UPF3A: variants seen among roughly 807,000 people sequenced by gnomAD.
UPF3A encodes regulator of nonsense transcripts 3A.
UPF3A carries 42 observed loss-of-function variants against 53.5 expected under a neutral mutation model. The ratio of observed to expected loss-of-function variants is 0.78; its 90% CI spans 0.61 to 1.01. The LOEUF (loss-of-function observed/expected upper bound fraction) is 1.01, where lower values mean the gene tolerates loss of function less well. UPF3A is among the 50% of genes least tolerant of loss of function. The pLI is 0.00. For synonymous variants in UPF3A, 237 were observed against 225.3 expected (o/e 1.05, Z -0.47); for missense variants, 575 against 598.0 (o/e 0.96, Z 0.40).
At chr13:114,284,003 T>C (rs1018831458) in intron 3 of UPF3A, 30 of 985,338 alleles carry the variant, frequency 3.0e-5, no homozygotes, top group Non-Finnish European at 3.5e-5. Context: ...AATGTGATGC[T>C]TGAACTGACC....
chr13:114,285,035 C>G (rs1182764841), intron 3 of UPF3A: 1 of 152,190 alleles, frequency 6.6e-6, no homozygotes, highest in Non-Finnish European at 1.5e-5. Flanking sequence ...GGAGCTTTTC[C>G]CCTGTGTTTT....
At chr13:114,294,272 G>GT (rs1376330939) in intron 7 of UPF3A, among the ~76,000 whole-genome samples, 5 of 119,072 alleles carry the variant, frequency 4.2e-5, no homozygotes, top group South Asian at 2.6e-4. Context: ...TTTGGTTTTG[G>GT]TGGGGGGGGG....
chr13:114,296,016 T>C lies in UPF3A; in HGVS notation c.847-2824T>C, dbSNP rs1355309328. Among the ~76,000 whole-genome samples, 3 of 151,830 alleles carry C rather than the reference T, an allele frequency of 2.0e-5. No individual in the cohort carries two copies. The East Asian group carries it at 5.8e-4, about 29-fold the overall frequency. On this transcript the variant is annotated intron_variant, in intron 7 of 9. Coordinates refer to ENST00000375299, the MANE Select transcript of UPF3A (RefSeq NM_023011.4). ...CTAGCCTCCGAGAGGGCAGAGGGCCTAGAGAGAGGTCACCGGTGGCCAGTG... is the reference window on the plus strand; with the variant it reads ...CTAGCCTCCGAGAGGGCAGAGGGCCCAGAGAGAGGTCACCGGTGGCCAGTG...
At chr13:114,288,926 C>T (rs1307557804) in intron 5 of UPF3A, among the ~76,000 whole-genome samples, 1 of 152,154 alleles carries the variant, frequency 6.6e-6, no homozygotes, top group Non-Finnish European at 1.5e-5. Flanking sequence ...CCTCATCTCC[C>T]TGCCCCTCCC....
chr13:114,294,973 G>A (rs186101480), intron 7 of UPF3A, among the ~76,000 whole-genome samples: 8 of 151,984 alleles, frequency 5.3e-5, no homozygotes, highest in South Asian at 2.1e-4. Context: ...TTAGCTGGGC[G>A]TGGTGGCGGG....
At chr13:114,293,441 C>T (rs529705503) in intron 7 of UPF3A, among the ~76,000 whole-genome samples, 16 of 152,180 alleles carry the variant, frequency 1.1e-4, no homozygotes, top group Admixed American at 3.3e-4. Context: ...CTGGTTTTGC[C>T]TTTCTGTGTG....
intron 5 of UPF3A, among the ~76,000 whole-genome samples, chr13:114,288,659 A>C (rs894651812): frequency 6.6e-6 from 1 of 151,868 alleles, no homozygotes; most frequent in African/African-American, 2.4e-5. Flanking sequence ...CATGGGATAG[A>C]CTGTGGATGC....
At chr13:114,292,305 G>A (rs1181826708) in intron 7 of UPF3A, among the ~76,000 whole-genome samples, 3 of 148,324 alleles carry the variant, frequency 2.0e-5, no homozygotes, top group African/African-American at 7.5e-5. Context: ...GTTCATTTTC[G>A]ACTCAAGGCG....
chr13:114,296,338 C>T (rs1284446295), intron 7 of UPF3A, among the ~76,000 whole-genome samples: 3 of 152,078 alleles, frequency 2.0e-5, no homozygotes, highest in South Asian at 2.1e-4. Flanking sequence ...GCCGAGATCG[C>T]GTCACTGCAG....
chr13:114,284,109 A>AT (rs200351659), intron 3 of UPF3A: 16,388 of 983,470 alleles, frequency 0.017, 176 homozygotes, highest in Middle Eastern at 0.056. Context: ...CACACCTGTA[A>AT]TCCCAGCACT....
chr13:114,294,151 T>A (rs531485903), intron 7 of UPF3A, among the ~76,000 whole-genome samples: 1 of 152,178 alleles, frequency 6.6e-6, no homozygotes, highest in East Asian at 1.9e-4. Context: ...ATGTGGAAAA[T>A]TGAAATTCTT....
intron 3 of UPF3A, among the ~76,000 whole-genome samples, chr13:114,284,653 C>T (rs969884883): frequency 4.0e-5 from 6 of 151,486 alleles, no homozygotes; most frequent in Non-Finnish European, 5.9e-5. Context: ...GAGCCAAGAT[C>T]GTGTTACTAC....
chr13:114,285,512 G>A (rs2084595113), intron 3 of UPF3A: 1 of 152,092 alleles, frequency 6.6e-6, no homozygotes, highest in Non-Finnish European at 1.5e-5. Flanking sequence ...CCCAGTTAAA[G>A]GAATTATAAT....
intron 5 of UPF3A, among the ~76,000 whole-genome samples, chr13:114,290,093 C>T (rs1480574448): frequency 1.3e-4 from 20 of 152,174 alleles, no homozygotes; most frequent in Non-Finnish European, 1.5e-5. Flanking sequence ...AGCCAGAGTT[C>T]ATGGTCAGCC....
chr13:114,299,268 C>T (rs1282185784), intron 8 of UPF3A, among the ~76,000 whole-genome samples: 3 of 152,160 alleles, frequency 2.0e-5, no homozygotes, highest in South Asian at 4.1e-4. Context: ...ACTCCTGAGC[C>T]GCCTCCTGGA....
intron 9 of UPF3A, among the ~76,000 whole-genome samples, chr13:114,303,881 A>G (rs1022477985): frequency 1.6e-4 from 25 of 152,234 alleles, no homozygotes; most frequent in Middle Eastern, 3.2e-3. Context: ...CCCATTGGTC[A>G]GGTTCATACC....
intron 7 of UPF3A, among the ~76,000 whole-genome samples, chr13:114,293,637 A>G (rs914915655): frequency 6.6e-6 from 1 of 152,166 alleles, no homozygotes; most frequent in Non-Finnish European, 1.5e-5. Flanking sequence ...TCTCCTCAGT[A>G]CTAAACCTAG....
At chr13:114,304,743 G>A in intron 9 of UPF3A, 46 bp from the exon 10 acceptor site, 1 of 1,603,622 alleles carries the variant, frequency 6.2e-7, no homozygotes, top group Non-Finnish European at 8.5e-7. Context: ...TGACCCTTCT[G>A]TGTTGCTACC....
intron 7 of UPF3A, among the ~76,000 whole-genome samples, chr13:114,295,803 C>T (rs377229774): frequency 6.6e-6 from 1 of 152,182 alleles, no homozygotes; most frequent in African/African-American, 2.4e-5. Flanking sequence ...TTCCCTAGTG[C>T]CTAGCACAGG....
Sources: allele counts gnomAD v4.1 joint callset (sites outside exome capture counted in the v4.1 genomes callset), GRCh38; gene constraint gnomAD v4.1.1; transcripts MANE v1.5; gene names NCBI Gene and HGNC (gene_info 2026-07-23, HGNC 2026-07-21).